Variants in PAFAH1B2 observed in about 807,000 individuals in gnomAD.
PAFAH1B2 encodes the protein platelet activating factor acetylhydrolase 1b catalytic subunit 2, also known as platelet-activating factor acetylhydrolase IB subunit alpha2.
PAFAH1B2 carries 8 observed loss-of-function variants against 28.0 expected under a neutral mutation model. The observed-to-expected ratio is 0.29, with a 90% confidence interval of 0.17 to 0.52. PAFAH1B2 has a LOEUF of 0.52. Among genes scored for constraint, PAFAH1B2 ranks in the 20% least tolerant of loss-of-function variants. PAFAH1B2 has a pLI of 0.97. For missense variants in PAFAH1B2, 190 were observed against 282.6 expected, an observed-to-expected ratio of 0.67 and a Z score of 2.35; for synonymous variants, 104 against 103.2, an observed-to-expected ratio of 1.01 and a Z score of -0.05.
In PAFAH1B2 at chr11:117,167,770, T is replaced by G. The variant is rs1248208729; in HGVS notation, c.*71T>G. ...TTCTATCACTGGCACTACAGAATCC[T>G]TCTCTTTCTTAAGGCACTTTGCATT... On this transcript the variant is annotated 3_prime_UTR_variant, in exon 6 of 6. Transcript: ENST00000527958. 21 of 1,393,542 alleles carry G rather than the reference T, an allele frequency of 1.5e-5. No homozygotes were observed. Among genetic ancestry groups the G allele is most frequent in the Admixed American group, 2.9e-5 (1 of 34,438 alleles). 86.3% of individuals were successfully genotyped at this position (1,393,542 alleles called of 1,614,324 possible). A position where few individuals can be genotyped will look rare whatever the true frequency, so the allele number is the denominator to read the frequency against.
chr11:117,166,689 T>C (rs1956518940), intron 5 of PAFAH1B2, among the ~76,000 whole-genome samples: 1 of 152,166 alleles, frequency 6.6e-6, no homozygotes, highest in Non-Finnish European at 1.5e-5. Context: ...CCAGGGTGAA[T>C]AGCTCTGATT....
intron 2 of PAFAH1B2, among the ~76,000 whole-genome samples, chr11:117,153,364 T>A (rs1011615289): frequency 5.6e-5 from 5 of 89,256 alleles, no homozygotes; most frequent in Non-Finnish European, 1.7e-4. Flanking sequence ...GTATCTATTT[T>A]GTTTTAGTTT....
At chr11:117,175,230 G>A (rs2029908009), downstream of PAFAH1B2, 2 of 1,091,998 alleles carry the variant, frequency 1.8e-6, no homozygotes, top group Non-Finnish European at 2.2e-6. Flanking sequence ...CACAAGGCCA[G>A]GATCACATCC....
rs187171235 is a variant in PAFAH1B2, at chr11:117,150,657, G to A, written c.-7-1784G>A. Reference sequence around the variant, plus strand: ...CAATGTAGTGTGTTTTGTGTACTCAGTAAATATGTATATTGAATGAATATA... The same window carrying A: ...CAATGTAGTGTGTTTTGTGTACTCAATAAATATGTATATTGAATGAATATA... On this transcript the variant is annotated intron_variant, in intron 1 of 5. Transcript: ENST00000527958. Among the ~76,000 whole-genome samples the A allele has an allele frequency of 7.4e-3, 1,124 of 152,246 alleles. 7 individuals are homozygous for A. Among genetic ancestry groups the A allele is most frequent in the Middle Eastern group, 0.024 (7 of 294 alleles).
chr11:117,163,708 T>C, intron 4 of PAFAH1B2, 62 bp from the exon 5 acceptor site: 1 of 1,540,098 alleles, frequency 6.5e-7, no homozygotes, highest in Admixed American at 1.8e-5. Context: ...ATCTAAATGT[T>C]GGACGTTCCT....
chr11:117,149,603 T>G (rs1956101191), intron 1 of PAFAH1B2, among the ~76,000 whole-genome samples: 1 of 150,782 alleles, frequency 6.6e-6, no homozygotes, highest in African/African-American at 2.4e-5. Flanking sequence ...ATTTTTTTTT[T>G]TTGTATTTTT....
At chr11:117,173,816 G>A (rs1424277281), downstream of PAFAH1B2, among the ~76,000 whole-genome samples, 1 of 152,212 alleles carries the variant, frequency 6.6e-6, no homozygotes, top group East Asian at 1.9e-4. Context: ...GCAGCCCTGG[G>A]AAAGAACAGA....
At position 117,167,614 on chromosome 11, in the gene PAFAH1B2, A is replaced by G. The variant is rs2134216258; in HGVS notation, c.605A>G (p.Tyr202Cys). The change falls in exon 6 of 6, where the codon TAT becomes TGT. Residue 202 changes from tyrosine to cysteine, a missense_variant. Physicochemically the swap from Tyr to Cys is radical, Grantham distance 194. Coordinates refer to ENST00000527958, the MANE Select transcript of PAFAH1B2 (RefSeq NM_002572.4). ...TTTCTGCATCTGACAGGAGGGGGCT[A>G]TGCAAAGATCTGCAAACCCCTGCAT... ...FDFLHLTGGG[Y>C]AKICKPLHEL... is the part of the protein sequence containing the mutation. The G allele has an allele frequency of 6.2e-7, 1 of 1,611,534 alleles. No individual in the cohort carries two copies. The highest frequency in any genetic ancestry group is 8.5e-7 in the Non-Finnish European group (1 of 1,178,172).
At chr11:117,173,504 TTTC>T (rs1956717075), downstream of PAFAH1B2, among the ~76,000 whole-genome samples, 1 of 152,216 alleles carries the variant, frequency 6.6e-6, no homozygotes, top group African/African-American at 2.4e-5. Context: ...GAACTTTTTT[TTTC>T]TTTTTTCTTT....
chr11:117,146,997 G>A (rs1956027584), intron 1 of PAFAH1B2, among the ~76,000 whole-genome samples: 1 of 151,680 alleles, frequency 6.6e-6, no homozygotes, highest in African/African-American at 2.4e-5. Flanking sequence ...GGCCGGGCGT[G>A]GTGGCTCACG....
Position 117,158,010 on chromosome 11 carries a change from C to T in PAFAH1B2, c.82-1924C>T, listed in dbSNP as rs373167566. Among the ~76,000 whole-genome samples, 27 of 151,954 alleles carry T rather than the reference C, an allele frequency of 1.8e-4. No homozygotes were observed. In the East Asian group the frequency reaches 3.7e-3, roughly 21 times the overall value. On this transcript the variant is annotated intron_variant, in intron 2 of 5. Transcript: ENST00000527958. ...AAAATTAGCTGGGCATGGTGGTGGG[C>T]GCCTGTAATCCCAGCTACTCGGGAG...
chr11:117,167,188 A>T (rs1004055308), intron 5 of PAFAH1B2, among the ~76,000 whole-genome samples: 1 of 150,422 alleles, frequency 6.6e-6, no homozygotes, highest in East Asian at 1.9e-4. Context: ...GTAGTGGGCC[A>T]GAGGACAGGT....
chr11:117,163,197 A>G (rs1394933567), intron 4 of PAFAH1B2, among the ~76,000 whole-genome samples: 2 of 59,494 alleles, frequency 3.4e-5, no homozygotes, highest in Non-Finnish European at 8.6e-5. Context: ...CTGGCTCAAC[A>G]TTTGTAGTCC....
chr11:117,167,374 G>T (rs1161166043), intron 5 of PAFAH1B2, 47 bp from the exon 6 acceptor site: 1 of 1,492,332 alleles, frequency 6.7e-7, no homozygotes, highest in Non-Finnish European at 9.0e-7. Context: ...AATAAGTAGA[G>T]AAAAATAAGT....
chr11:117,172,375 TATATATATATATATATATA>T (rs1956676697), downstream of PAFAH1B2, among the ~76,000 whole-genome samples: 7 of 2,488 alleles, frequency 2.8e-3, 1 homozygote, highest in African/African-American at 8.4e-3. Flanking sequence ...TATATATATA[TATATATATATATATATATA>T]TATATATATA....
chr11:117,166,129 C>T (rs1215291848), intron 5 of PAFAH1B2, among the ~76,000 whole-genome samples: 1 of 152,120 alleles, frequency 6.6e-6, no homozygotes, highest in African/African-American at 2.4e-5. Flanking sequence ...AGGCGTGAGC[C>T]ACTGCGCCAG....
intron 2 of PAFAH1B2, among the ~76,000 whole-genome samples, chr11:117,156,433 T>C (rs1337771183): frequency 6.6e-6 from 1 of 152,086 alleles, no homozygotes; most frequent in Non-Finnish European, 1.5e-5. Context: ...TAAGCTAGAA[T>C]TTGAATGTTG....
In PAFAH1B2 at chr11:117,170,824, G is replaced by T. The variant is rs1956635691; in HGVS notation, c.*3125G>T. ...AGCATGTCCAAGCTCCTAAATCCGT[G>T]TGGGTGCATGTGGGAGAAGTGAGTT... On this transcript the variant is annotated 3_prime_UTR_variant, in exon 6 of 6. Transcript: ENST00000527958. 9.4e-7 allele frequency: 1 copy of T among 1,059,660 alleles called. No individual in the cohort carries two copies. The highest frequency in any genetic ancestry group is 5.4e-5 in the Admixed American group (1 of 18,526). The allele number at this position is 1,059,660 out of a possible 1,614,324, so 65.6% of individuals were successfully genotyped here.
chr11:117,147,691 G>C (rs1956046841), intron 1 of PAFAH1B2, among the ~76,000 whole-genome samples: 1 of 152,146 alleles, frequency 6.6e-6, no homozygotes, highest in South Asian at 2.1e-4. Context: ...ATAAGATTTT[G>C]ATTGACAAAA....
Sources: gnomAD v4.1 joint callset for allele counts (sites outside exome capture counted in the v4.1 genomes callset) on GRCh38, gnomAD v4.1.1 for gene constraint, MANE v1.5 for transcripts, NCBI Gene and HGNC (gene_info 2026-07-23, HGNC 2026-07-21) for gene names.